The following R3HDM1 variants were observed in gnomAD, a reference collection of about 807,000 sequenced individuals.
The protein encoded by R3HDM1 is R3H domain-containing protein 1.
A neutral mutation model predicts 141.1 loss-of-function variants in R3HDM1; 46 were observed. That is an observed-to-expected ratio of 0.33 (90% CI 0.26 to 0.42). R3HDM1 has a LOEUF of 0.42. R3HDM1 is among the 10% of genes least tolerant of loss of function. The pLI, the probability that R3HDM1 is intolerant of heterozygous loss-of-function variation, is 1.00. For synonymous variants in R3HDM1, 435 were observed against 472.9 expected (o/e 0.92, Z 1.04); for missense variants, 1,184 against 1,368.3 (o/e 0.87, Z 2.12).
At chr2:135,622,582 A>G (rs944797069) in intron 6 of R3HDM1, 72 bp from the exon 7 acceptor site, 19 of 1,488,910 alleles carry the variant, frequency 1.3e-5, no homozygotes, top group Non-Finnish European at 1.4e-5. Context: ...ATATATATAC[A>G]TCATGTGTAA....
At chr2:135,662,726 C>T (rs1247363026) in intron 19 of R3HDM1, among the ~76,000 whole-genome samples, 3 of 152,104 alleles carry the variant, frequency 2.0e-5, no homozygotes, top group Admixed American at 1.3e-4. Context: ...ATTCTCTATT[C>T]GTGGGAACAT....
chr2:135,537,662 TTTTATTTTATTTTA>T (rs1298928622), intron 1 of R3HDM1, among the ~76,000 whole-genome samples: 1 of 140,310 alleles, frequency 7.1e-6, no homozygotes, highest in African/African-American at 3.0e-5. Flanking sequence ...TTTTATTTTA[TTTTATTTTATTTTA>T]CTTAGAGTCT....
chr2:135,605,975 C>G (rs778448894), intron 3 of R3HDM1: 1 of 151,566 alleles, frequency 6.6e-6, no homozygotes, highest in Non-Finnish European at 1.5e-5. Flanking sequence ...CAAGCCATCG[C>G]ACCTGGCCCA....
intron 1 of R3HDM1, among the ~76,000 whole-genome samples, chr2:135,591,537 C>T (rs1270164721): frequency 1.3e-5 from 2 of 152,190 alleles, no homozygotes; most frequent in Non-Finnish European, 2.9e-5. Context: ...AGATTATGCT[C>T]ATAATGATGT....
intron 21 of R3HDM1, among the ~76,000 whole-genome samples, chr2:135,697,936 C>T (rs934851798): frequency 2.0e-5 from 3 of 151,416 alleles, no homozygotes; most frequent in African/African-American, 7.3e-5. Flanking sequence ...GCCTATAATC[C>T]CAGCTACTCA....
At chr2:135,664,668 G>A (rs930719518) in intron 19 of R3HDM1, among the ~76,000 whole-genome samples, 1 of 152,178 alleles carries the variant, frequency 6.6e-6, no homozygotes, top group African/African-American at 2.4e-5. Context: ...GACCACAACT[G>A]AAATCAGGAC....
intron 1 of R3HDM1, chr2:135,543,059 A>G: frequency 3.1e-6 from 3 of 981,042 alleles, no homozygotes; most frequent in Non-Finnish European, 3.6e-6. Context: ...AAGCAATGGG[A>G]ATGGAATGTG....
chr2:135,610,058 T>A (rs28662265), intron 3 of R3HDM1, among the ~76,000 whole-genome samples: 1 of 152,018 alleles, frequency 6.6e-6, no homozygotes, highest in African/African-American at 2.4e-5. Context: ...AAAAAAAATT[T>A]AAAAAACTTA....
chr2:135,571,541 G>C (rs1704110904), intron 1 of R3HDM1, among the ~76,000 whole-genome samples: 1 of 151,868 alleles, frequency 6.6e-6, no homozygotes, highest in East Asian at 1.9e-4. Flanking sequence ...GCCCAGACTG[G>C]TCTCGAACTC....
At chr2:135,557,904 A>G (rs1340203376) in intron 1 of R3HDM1, among the ~76,000 whole-genome samples, 1 of 152,218 alleles carries the variant, frequency 6.6e-6, no homozygotes, top group Non-Finnish European at 1.5e-5. Context: ...AACAAAAAAC[A>G]TGGGCCCATG....
chr2:135,593,462 C>A (rs939392513), intron 1 of R3HDM1, among the ~76,000 whole-genome samples: 1 of 152,128 alleles, frequency 6.6e-6, no homozygotes, highest in African/African-American at 2.4e-5. Context: ...TGTCTCTTAC[C>A]TATATCTGCC....
chr2:135,677,828 G>A (rs2069466448), intron 20 of R3HDM1, among the ~76,000 whole-genome samples: 1 of 152,140 alleles, frequency 6.6e-6, no homozygotes, highest in Non-Finnish European at 1.5e-5. Context: ...AAAGTCATCT[G>A]TCCTACACCT....
intron 1 of R3HDM1, among the ~76,000 whole-genome samples, chr2:135,590,173 T>C (rs1400206001): frequency 6.6e-6 from 1 of 152,166 alleles, no homozygotes; most frequent in African/African-American, 2.4e-5. Context: ...TTTTCTCTCT[T>C]TTCATTTTCA....
intron 18 of R3HDM1, among the ~76,000 whole-genome samples, chr2:135,655,333 T>C (rs2065695854): frequency 6.6e-6 from 1 of 152,186 alleles, no homozygotes; most frequent in South Asian, 2.1e-4. Context: ...TGACCATAAA[T>C]GTAAGGGTTT....
At chr2:135,600,120 T>G (rs2059507706) in intron 1 of R3HDM1, among the ~76,000 whole-genome samples, 1 of 145,498 alleles carries the variant, frequency 6.9e-6, no homozygotes, top group African/African-American at 2.6e-5. Flanking sequence ...TTTTTTTTTT[T>G]TTTTTTTTGT....
chr2:135,670,550 C>A (rs2068186361), intron 19 of R3HDM1: 1 of 332,338 alleles, frequency 3.0e-6, no homozygotes, highest in Non-Finnish European at 4.3e-6. Context: ...TCATATAACC[C>A]CATTTCTATA....
chr2:135,689,442 T>C (rs2071956957), intron 21 of R3HDM1, among the ~76,000 whole-genome samples: 1 of 152,250 alleles, frequency 6.6e-6, no homozygotes, highest in African/African-American at 2.4e-5. Flanking sequence ...ATGTTTTAGA[T>C]GCTAAATGGA....
At chr2:135,642,783 T>C (rs2063939354) in intron 15 of R3HDM1, among the ~76,000 whole-genome samples, 1 of 152,206 alleles carries the variant, frequency 6.6e-6, no homozygotes, top group African/African-American at 2.4e-5. Flanking sequence ...TTGGGACTCA[T>C]TACTTTCAGG....
At chr2:135,648,809 G>T (rs568999992) in intron 16 of R3HDM1, among the ~76,000 whole-genome samples, 4 of 150,412 alleles carry the variant, frequency 2.7e-5, no homozygotes, top group African/African-American at 9.8e-5. Context: ...GTGTTTGAGT[G>T]CCCCTGGGAA....
Sources: gnomAD v4.1 joint callset for allele counts (sites outside exome capture counted in the v4.1 genomes callset) on GRCh38, gnomAD v4.1.1 for gene constraint, MANE v1.5 for transcripts, NCBI Gene and HGNC (gene_info 2026-07-23, HGNC 2026-07-21) for gene names.